Variants in ZC3H12C observed in about 807,000 individuals in gnomAD.
ZC3H12C encodes probable ribonuclease ZC3H12C.
A neutral mutation model predicts 76.3 loss-of-function variants in ZC3H12C; 20 were observed. The observed-to-expected ratio is 0.26, with a 90% CI of 0.18 to 0.38. The LOEUF is 0.38. Ranked by LOEUF, ZC3H12C falls within the 10% of genes least tolerant of loss-of-function variation. The pLI is 1.00. For synonymous variants in ZC3H12C, 352 were observed against 399.6 expected (o/e 0.88, Z 1.42); for missense variants, 874 against 1,086.5 (o/e 0.80, Z 2.75).
rs1862652188 is a variant in ZC3H12C, at chr11:110,170,208, AG to A, written c.*4472del. ...TTTCTTGTGTTTAACCACAAAAAAA[AG>A]CACTCTGTTAAAATGTTTTAATATG... On this transcript the variant is annotated 3_prime_UTR_variant, in exon 6 of 6. Transcript: ENST00000278590. The A allele has an allele frequency of 6.6e-6, 1 of 152,224 alleles. No homozygotes were observed. The highest frequency in any genetic ancestry group is 2.1e-4 in the South Asian group (1 of 4,834). 9.4% of individuals were successfully genotyped at this position (152,224 alleles called of 1,614,324 possible). A position where few individuals can be genotyped will look rare whatever the true frequency, so the allele number is the denominator to read the frequency against.
In ZC3H12C at chr11:110,165,329, A is replaced by G. The variant is rs767046570; in HGVS notation, c.2244A>G (p.Ile748Met). ...GGAGGTCCTTGGTGGCCACGAGAATAGACAGCATCTCTGACTCTCGACTTT... is the reference window on the plus strand; with the variant it reads ...GGAGGTCCTTGGTGGCCACGAGAATGGACAGCATCTCTGACTCTCGACTTT... ...HLGRSLVATR[I>M]DSISDSRLYD... is the part of the protein sequence containing the mutation. Residue 748 changes from isoleucine to methionine, a missense_variant, in exon 6 of 6, where the codon ATA becomes ATG. Around this residue, in one of 3 missense-constraint regions of ZC3H12C, gnomAD observed 395 missense variants for 434.4 expected, o/e 0.91. Coordinates refer to ENST00000278590, the MANE Select transcript of ZC3H12C (RefSeq NM_033390.2). The G allele has an allele frequency of 6.2e-7, 1 of 1,614,016 alleles. No homozygotes were observed. The highest frequency in any genetic ancestry group is 1.7e-5 in the Admixed American group (1 of 60,026).
Position 110,171,566 on chromosome 11 carries a change from G to A in ZC3H12C, c.*5829G>A, listed in dbSNP as rs542826054. The A allele has an allele frequency of 1.7e-4, 26 of 152,098 alleles. No homozygotes were observed. The highest frequency in any genetic ancestry group is 5.5e-4 in the African/African-American group (23 of 41,512). The allele number at this position is 152,098 out of a possible 1,614,324, so 9.4% of individuals were successfully genotyped here. A position where few individuals can be genotyped will look rare whatever the true frequency, so the allele number is the denominator to read the frequency against. Reference sequence around the variant, plus strand: ...TTTAGACCTACTGGAAATCTGTATCGAAACAGCTATGTGATTCTGCCACTG... The same window carrying A: ...TTTAGACCTACTGGAAATCTGTATCAAAACAGCTATGTGATTCTGCCACTG... On this transcript the variant is annotated 3_prime_UTR_variant, in exon 6 of 6. Coordinates refer to ENST00000278590, the MANE Select transcript of ZC3H12C (RefSeq NM_033390.2).
rs1300929401 is a variant in ZC3H12C, at chr11:110,129,106, A to G, written c.22-7557A>G. Among the ~76,000 whole-genome samples the G allele has an allele frequency of 2.6e-5, 4 of 152,146 alleles. No homozygotes were observed. The East Asian group carries it at 7.7e-4, about 29-fold the overall frequency. On this transcript the variant is annotated intron_variant, in intron 1 of 5. Coordinates refer to ENST00000278590, the MANE Select transcript of ZC3H12C (RefSeq NM_033390.2). Reference sequence around the variant, plus strand: ...TAATATTGCTATAACCCTTAGCAGAAGAAAGAATAGGTCTTACTTTAGAAA... The same window carrying G: ...TAATATTGCTATAACCCTTAGCAGAGGAAAGAATAGGTCTTACTTTAGAAA...
rs1207762153 is a variant in ZC3H12C at position 110,164,222 on chromosome 11, A to C, written c.1256-119A>C. ...TCTCAAGAGTAAAGAACAGAGTGACACTTAGCACAGCTCCCATTTCTATCG... is the reference window on the plus strand; with the variant it reads ...TCTCAAGAGTAAAGAACAGAGTGACCCTTAGCACAGCTCCCATTTCTATCG... On this transcript the variant is annotated intron_variant, in intron 5 of 5. Coordinates refer to ENST00000278590, the MANE Select transcript of ZC3H12C (RefSeq NM_033390.2). The surrounding 1 kb of genome is among the most constrained non-coding windows in gnomAD (Gnocchi z 5.7). 2.2e-6 allele frequency: 2 copies of C among 896,492 alleles called. No individual in the cohort carries two copies. Among genetic ancestry groups the C allele is most frequent in the Non-Finnish European group, 1.7e-6 (1 of 606,012 alleles). The allele number at this position is 896,492 out of a possible 1,614,324, so 55.5% of individuals were successfully genotyped here.
intron 2 of ZC3H12C, among the ~76,000 whole-genome samples, chr11:110,147,481 A>G (rs1163071772): frequency 6.6e-6 from 1 of 152,042 alleles, no homozygotes; most frequent in Non-Finnish European, 1.5e-5. Context: ...GGAGAGCATT[A>G]GGACAAATAC....
At chr11:110,138,427 C>G (rs1862010264) in intron 2 of ZC3H12C, among the ~76,000 whole-genome samples, 1 of 151,946 alleles carries the variant, frequency 6.6e-6, no homozygotes, top group African/African-American at 2.4e-5. Flanking sequence ...TTTCTAGTAC[C>G]TACATCAAAA....
chr11:110,143,317 T>C (rs182576911), intron 2 of ZC3H12C, among the ~76,000 whole-genome samples: 1 of 152,242 alleles, frequency 6.6e-6, no homozygotes. Context: ...AATTTAACAA[T>C]CATTAAACAT....
chr11:110,162,132 T>G (rs1389228331), intron 4 of ZC3H12C, among the ~76,000 whole-genome samples: 1 of 152,092 alleles, frequency 6.6e-6, no homozygotes, highest in African/African-American at 2.4e-5. Flanking sequence ...CAAAACTCTG[T>G]GTCAAAAAGA....
intron 2 of ZC3H12C, among the ~76,000 whole-genome samples, chr11:110,147,625 AAAAAAAG>A (rs1040625433): frequency 2.9e-4 from 44 of 152,268 alleles, no homozygotes; most frequent in African/African-American, 1.1e-3. Context: ...AAATTAAAAA[AAAAAAAG>A]AAAAGAAAAG....
At chr11:110,151,454 G>A (rs1313033657) in intron 2 of ZC3H12C, among the ~76,000 whole-genome samples, 5 of 152,154 alleles carry the variant, frequency 3.3e-5, no homozygotes, top group South Asian at 4.1e-4. Context: ...GTGGTATGGC[G>A]ATAGACATAA....
chr11:110,123,843 G>A (rs2134164870), intron 1 of ZC3H12C, among the ~76,000 whole-genome samples: 1 of 152,292 alleles, frequency 6.6e-6, no homozygotes, highest in Admixed American at 6.5e-5. Context: ...AGCACATGGA[G>A]ATCAAAATAG....
At chr11:110,119,964 T>TTATA (rs1861624860) in intron 1 of ZC3H12C, among the ~76,000 whole-genome samples, 1 of 152,230 alleles carries the variant, frequency 6.6e-6, no homozygotes, top group South Asian at 2.1e-4. Context: ...CATAGCCCTG[T>TTATA]TATACATATC....
rs760670937 is a variant in ZC3H12C, at chr11:110,136,723, C to T, written c.82C>T (p.Arg28Cys). 5.3e-5 allele frequency: 85 copies of T among 1,613,834 alleles called. No individual in the cohort carries two copies. The highest frequency in any genetic ancestry group is 5.0e-5 in the Non-Finnish European group (59 of 1,179,882). The change falls in exon 2 of 6, where the codon CGT becomes TGT. Residue 28 changes from arginine to cysteine, a missense_variant. Arg to Cys is a radical substitution (Grantham distance 180, BLOSUM62 -3). This residue lies in a region of ZC3H12C where 210 missense variants were observed against 227.1 expected (regional missense o/e 0.92). Coordinates refer to ENST00000278590, the MANE Select transcript of ZC3H12C (RefSeq NM_033390.2). ...AAACAGCAAAGTGGAGTCAAGTACA[C>T]GTAACAACTTCATGGGCTTGAAGGA... ...RKNSKVESST[R>C]NNFMGLKDHL...
intron 1 of ZC3H12C, among the ~76,000 whole-genome samples, chr11:110,093,854 G>A (rs1861062466): frequency 6.6e-6 from 1 of 152,126 alleles, no homozygotes; most frequent in Non-Finnish European, 1.5e-5. Context: ...CGCTCGTGGG[G>A]CGAGACATCT....
In ZC3H12C at chr11:110,165,791, AG is replaced by A; in HGVS notation, c.*57del. On this transcript the variant is annotated 3_prime_UTR_variant, in exon 6 of 6. Coordinates refer to ENST00000278590, the MANE Select transcript of ZC3H12C (RefSeq NM_033390.2). ...AGTTTTTTGTTCAGCTCAAATGCTGAGGGAGGTTTGCTACAATAGCACATGT... is the reference window on the plus strand; with the variant it reads ...AGTTTTTTGTTCAGCTCAAATGCTGAGGAGGTTTGCTACAATAGCACATGT... The A allele has an allele frequency of 6.7e-7, 1 of 1,488,870 alleles. No homozygotes were observed. The highest frequency in any genetic ancestry group is 1.3e-5 in the South Asian group (1 of 75,236). 92.2% of individuals were successfully genotyped at this position (1,488,870 alleles called of 1,614,324 possible).
chr11:110,160,084 G>A (rs1454501742), intron 4 of ZC3H12C, among the ~76,000 whole-genome samples: 3 of 152,220 alleles, frequency 2.0e-5, no homozygotes, highest in Non-Finnish European at 4.4e-5. Context: ...TGATATGTTT[G>A]TATATCTAAA....
At position 110,163,204 on chromosome 11, in the gene ZC3H12C, T is replaced by C. The variant is rs922232395; in HGVS notation, c.1149-69T>C. The C allele has an allele frequency of 2.2e-6, 3 of 1,371,172 alleles. No individual in the cohort carries two copies. In the African/African-American group the frequency reaches 4.4e-5, roughly 20 times the overall value. The allele number at this position is 1,371,172 out of a possible 1,614,324, so 84.9% of individuals were successfully genotyped here. A position where few individuals can be genotyped will look rare whatever the true frequency, so the allele number is the denominator to read the frequency against. On this transcript the variant is annotated intron_variant, in intron 4 of 5. Transcript: ENST00000278590. ...ATTCCTTATAGAGGGAACAAATCTT[T>C]GTACTCTTTTTAGAATTAAATTATC...
Position 110,102,797 on chromosome 11 carries a change from A to G in ZC3H12C, c.21+9365A>G, listed in dbSNP as rs186088811. On this transcript the variant is annotated intron_variant, in intron 1 of 5. Coordinates refer to ENST00000278590, the MANE Select transcript of ZC3H12C (RefSeq NM_033390.2). ...GCCACAGCCACCCCATCCTTCAGCAACCACCACCCTGATAAGTCAGCAGCC... is the reference window on the plus strand; with the variant it reads ...GCCACAGCCACCCCATCCTTCAGCAGCCACCACCCTGATAAGTCAGCAGCC... 9.8e-5 allele frequency among the ~76,000 whole-genome samples: 15 copies of G among 152,328 alleles called. No homozygotes were observed. In the East Asian group the frequency reaches 1.3e-3, roughly 14 times the overall value.
intron 3 of ZC3H12C, among the ~76,000 whole-genome samples, chr11:110,157,961 GA>G (rs1397346283): frequency 1.3e-5 from 2 of 152,102 alleles, no homozygotes; most frequent in Non-Finnish European, 2.9e-5. Context: ...GAGATGGATT[GA>G]AAAAAACTTA....
Sources: allele counts gnomAD v4.1 joint callset (sites outside exome capture counted in the v4.1 genomes callset), GRCh38; gene constraint gnomAD v4.1.1; regional missense constraint gnomAD v4.1.1; non-coding constraint Gnocchi (gnomAD v3.1); transcripts MANE v1.5; gene names NCBI Gene and HGNC (gene_info 2026-07-23, HGNC 2026-07-21).